Variants in UBE2J1 observed in about 807,000 individuals in gnomAD.
UBE2J1 encodes ubiquitin conjugating enzyme E2 J1.
In UBE2J1, 17 loss-of-function variants were observed where a neutral mutation model predicts 42.1. That is an observed-to-expected ratio of 0.40 (90% CI 0.28 to 0.61). The LOEUF (loss-of-function observed/expected upper bound fraction) is 0.61, where lower values mean the gene tolerates loss of function less well. Among genes scored for constraint, UBE2J1 ranks in the 20% least tolerant of loss-of-function variants. The probability of loss-of-function intolerance (pLI) is 0.38; values close to 1 mark genes in which losing one functional copy is unlikely to be tolerated. For synonymous variants in UBE2J1, 127 were observed against 137.2 expected (o/e 0.93, Z 0.52); for missense variants, 291 against 389.4 (o/e 0.75, Z 2.13).
chr6:89,331,731 T>TA (rs1186255710), intron 7 of UBE2J1, among the ~76,000 whole-genome samples: 1 of 151,948 alleles, frequency 6.6e-6, no homozygotes, highest in African/African-American at 2.4e-5. Flanking sequence ...AGATTGAAAA[T>TA]ACACAAAAGA....
At chr6:89,352,515 C>T in intron 1 of UBE2J1, 24 bp downstream of exon 1, 2 of 1,562,400 alleles carry the variant, frequency 1.3e-6, no homozygotes, top group South Asian at 1.2e-5. Context: ...GCCCTCCTCG[C>T]CCAGGGGCCC....
At chr6:89,337,674 T>C (rs1427879131) in intron 5 of UBE2J1, among the ~76,000 whole-genome samples, 1 of 152,168 alleles carries the variant, frequency 6.6e-6, no homozygotes, top group Non-Finnish European at 1.5e-5. Flanking sequence ...AAAGTGCACC[T>C]GCACCTGAAA....
At position 89,329,653 on chromosome 6, in the gene UBE2J1, C is replaced by T; in HGVS notation, c.*26G>A. 1 of 1,612,054 alleles carries T rather than the reference C, an allele frequency of 6.2e-7. No individual in the cohort carries two copies. The highest frequency in any genetic ancestry group is 1.1e-5 in the South Asian group (1 of 90,866). ...AGAATGTTTAATGAAGCAGTTGAGT[C>T]ACAGCTCATAAGTCACAAAACCATA... is the stretch of plus-strand genomic sequence containing the variant. On this transcript the variant is annotated 3_prime_UTR_variant, in exon 8 of 8. Transcript: ENST00000435041.
At chr6:89,347,818 G>A (rs977724242) in intron 1 of UBE2J1, among the ~76,000 whole-genome samples, 1 of 152,150 alleles carries the variant, frequency 6.6e-6, no homozygotes, top group Non-Finnish European at 1.5e-5. Context: ...CACTTGATCT[G>A]ATGTTTACAT....
At position 89,328,611 on chromosome 6, in the gene UBE2J1, C is replaced by A. The variant is rs1468045566; in HGVS notation, c.*1068G>T. The A allele has an allele frequency of 2.6e-5, 4 of 152,150 alleles. No individual in the cohort carries two copies. The highest frequency in any genetic ancestry group is 9.7e-5 in the African/African-American group (4 of 41,438). The allele number at this position is 152,150 out of a possible 1,614,324, so 9.4% of individuals were successfully genotyped here. ...CCAGCCATTATGATGATAATATTAT[C>A]TACTAGAGTCTGTGGCGCTAGCTAG... On this transcript the variant is annotated 3_prime_UTR_variant, in exon 8 of 8. Transcript: ENST00000435041.
chr6:89,345,743 A>G (rs1027519032), intron 1 of UBE2J1, among the ~76,000 whole-genome samples: 2 of 151,492 alleles, frequency 1.3e-5, no homozygotes, highest in African/African-American at 4.9e-5. Flanking sequence ...CCCCATCTCT[A>G]CTAAAAATAC....
At chr6:89,331,178 T>C (rs1446958147) in intron 7 of UBE2J1, among the ~76,000 whole-genome samples, 2 of 152,252 alleles carry the variant, frequency 1.3e-5, no homozygotes, top group African/African-American at 2.4e-5. Context: ...ATTTATATTA[T>C]ACTTAATGTA....
At chr6:89,334,183 TTAG>T (rs938562442) in intron 6 of UBE2J1, among the ~76,000 whole-genome samples, 2 of 151,750 alleles carry the variant, frequency 1.3e-5, no homozygotes, top group African/African-American at 4.8e-5. Flanking sequence ...TTTTGTATTT[TTAG>T]TAGAGACAGG....
intron 3 of UBE2J1, among the ~76,000 whole-genome samples, chr6:89,341,711 A>C (rs890048411): frequency 6.6e-6 from 1 of 151,996 alleles, no homozygotes; most frequent in African/African-American, 2.4e-5. Flanking sequence ...GCAACAGAGA[A>C]AGACCGTGTC....
At chr6:89,352,010 T>A (rs1257864064) in intron 1 of UBE2J1, among the ~76,000 whole-genome samples, 4 of 152,220 alleles carry the variant, frequency 2.6e-5, no homozygotes, top group Non-Finnish European at 5.9e-5. Context: ...TTGTTTTGTT[T>A]TGCTTTAGCT....
At chr6:89,336,119 T>G (rs1768102606) in intron 5 of UBE2J1, among the ~76,000 whole-genome samples, 1 of 152,238 alleles carries the variant, frequency 6.6e-6, no homozygotes, top group South Asian at 2.1e-4. Flanking sequence ...ATGCATCATA[T>G]ATAAAACATA....
chr6:89,329,799 G>T lies in UBE2J1; in HGVS notation c.837C>A (p.Asp279Glu). ...CTGACCCACCATGATCAGTGTGGTT[G>T]TCTCTTGGCTGGTGGCCCTGGATTA... ...PDVIQGHQPR[D>E]NHTDHGGSAV... The change falls in exon 8 of 8, where the codon GAC (aspartate) becomes GAA (glutamate). Residue 279 changes from aspartate to glutamate, a missense_variant. Physicochemically the swap from Asp to Glu is conservative, Grantham distance 45 (BLOSUM62 2). This residue lies in a region of UBE2J1 where 176 missense variants were observed against 196.3 expected (regional missense o/e 0.90). Transcript: ENST00000435041. 2.5e-6 allele frequency: 4 copies of T among 1,614,130 alleles called. No individual in the cohort carries two copies. The highest frequency in any genetic ancestry group is 3.4e-6 in the Non-Finnish European group (4 of 1,180,010).
intron 5 of UBE2J1, among the ~76,000 whole-genome samples, chr6:89,337,661 A>G (rs1261891253): frequency 1.3e-5 from 2 of 152,170 alleles, no homozygotes; most frequent in Admixed American, 1.3e-4. Flanking sequence ...GGTCATATAG[A>G]CAAAAGTGCA....
At position 89,328,547 on chromosome 6, in the gene UBE2J1, A is replaced by G. The variant is rs1562407447; in HGVS notation, c.*1132T>C. The G allele has an allele frequency of 6.6e-6, 1 of 152,228 alleles. No homozygotes were observed. Among genetic ancestry groups the G allele is most frequent in the Non-Finnish European group, 1.5e-5 (1 of 68,036 alleles). The allele number at this position is 152,228 out of a possible 1,614,324, so 9.4% of individuals were successfully genotyped here. ...GTGCCCTCAGTGCTGCGAACTGAAC[A>G]TGCTGAAGGCAATGTTTTTCTGTGA... On this transcript the variant is annotated 3_prime_UTR_variant, in exon 8 of 8. Coordinates refer to ENST00000435041, the MANE Select transcript of UBE2J1 (RefSeq NM_016021.3).
In UBE2J1 at chr6:89,327,950, T is replaced by C. The variant is rs1039118712; in HGVS notation, c.*1729A>G. 2 of 152,234 alleles carry C rather than the reference T, an allele frequency of 1.3e-5. No homozygotes were observed. Among genetic ancestry groups the C allele is most frequent in the Admixed American group, 1.3e-4 (2 of 15,284 alleles). 9.4% of individuals were successfully genotyped at this position (152,234 alleles called of 1,614,324 possible). ...CAAGATTTTAGAGTGTATTTTCTTA[T>C]GGCAATAGAGTTATAAAATGGTAAC... On this transcript the variant is annotated 3_prime_UTR_variant, in exon 8 of 8. Transcript: ENST00000435041.
intron 1 of UBE2J1, 82 bp from the exon 2 acceptor site, chr6:89,343,838 A>G: frequency 9.0e-7 from 1 of 1,106,404 alleles, no homozygotes; most frequent in Non-Finnish European, 1.3e-6. Context: ...CTAATGAAAA[A>G]ATGTGTAGAG....
rs1486254673 is a variant in UBE2J1, at chr6:89,338,653, G to GTTTT, written c.238-111_238-110insAAAA. ...ATAATTTTAGAGATTATCTTAAAAA[G>GTTTT]TTTGTTTTTTTTTTTTTTTTTTTTT... On this transcript the variant is annotated intron_variant, in intron 3 of 7. Coordinates refer to ENST00000435041, the MANE Select transcript of UBE2J1 (RefSeq NM_016021.3). 139 of 120,684 alleles carry GTTTT rather than the reference G, an allele frequency of 1.2e-3. 2 individuals carry two copies. The highest frequency in any genetic ancestry group is 3.9e-3 in the East Asian group (14 of 3,580). The allele number at this position is 120,684 out of a possible 1,614,324, so 7.5% of individuals were successfully genotyped here. A position where few individuals can be genotyped will look rare whatever the true frequency, so the allele number is the denominator to read the frequency against.
At position 89,352,609 on chromosome 6, in the gene UBE2J1, C is replaced by T. The variant is rs1443838645; in HGVS notation, c.-40G>A. On this transcript the variant is annotated 5_prime_UTR_variant, in exon 1 of 8. Coordinates refer to ENST00000435041, the MANE Select transcript of UBE2J1 (RefSeq NM_016021.3). The stretch of plus-strand genomic sequence containing the variant: ...TTGGCTCCGGCCTCCCGGGCCGCTG[C>T]CACCTCCTCTCCACGCGGCCGCTGC... 6.5e-7 allele frequency: 1 copy of T among 1,538,242 alleles called. No homozygotes were observed. The highest frequency in any genetic ancestry group is 8.7e-7 in the Non-Finnish European group (1 of 1,150,112).
intron 2 of UBE2J1, among the ~76,000 whole-genome samples, chr6:89,342,994 T>C (rs1028161144): frequency 6.6e-6 from 1 of 152,200 alleles, no homozygotes; most frequent in African/African-American, 2.4e-5. Flanking sequence ...TGCCTGGGTA[T>C]ATTTAAATAC....
Sources: gnomAD v4.1 joint callset for allele counts (sites outside exome capture counted in the v4.1 genomes callset) on GRCh38, gnomAD v4.1.1 for gene constraint, gnomAD v4.1.1 regional missense constraint, MANE v1.5 for transcripts, NCBI Gene and HGNC (gene_info 2026-07-23, HGNC 2026-07-21) for gene names.